LRRTM3: variants seen among roughly 807,000 people sequenced by gnomAD.
LRRTM3 encodes the protein leucine rich repeat transmembrane neuronal 3.
Under a neutral mutation model 44.7 loss-of-function variants are expected in LRRTM3, and 24 were observed. That is an observed-to-expected ratio of 0.54 (90% confidence interval 0.39 to 0.76). The LOEUF (loss-of-function observed/expected upper bound fraction) is 0.76. LRRTM3 is among the 30% of genes least tolerant of loss of function. The probability of loss-of-function intolerance (pLI) is 0.00; values close to 1 mark genes in which losing one functional copy is unlikely to be tolerated. For synonymous variants in LRRTM3, 277 were observed against 278.7 expected, an observed-to-expected ratio of 0.99 and a Z score of 0.06; for missense variants, 587 against 702.2, an observed-to-expected ratio of 0.84 and a Z score of 1.85.
chr10:66,996,578 G>A (rs117978183), intron 2 of LRRTM3, among the ~76,000 whole-genome samples: 1 of 144,256 alleles, frequency 6.9e-6, no homozygotes, highest in Non-Finnish European at 1.5e-5. Context: ...AACCCAGCAG[G>A]TAGAGGTTGC....
chr10:67,097,973 C>A lies in LRRTM3; in HGVS notation c.*177C>A. The A allele has an allele frequency of 1.6e-6, 1 of 611,952 alleles. No individual in the cohort carries two copies. The highest frequency in any genetic ancestry group is 2.8e-5 in the East Asian group (1 of 35,920). 37.9% of individuals were successfully genotyped at this position (611,952 alleles called of 1,614,324 possible). A position where few individuals can be genotyped will look rare whatever the true frequency, so the allele number is the denominator to read the frequency against. On this transcript the variant is annotated 3_prime_UTR_variant, in exon 3 of 3. Transcript: ENST00000361320. ...AAAGAAGACATGAATTGTTTTAAGT[C>A]TACACTTTGTAATTAGCTAAGTTGT... is the stretch of plus-strand genomic sequence containing the variant.
At chr10:67,005,123 C>CT (rs1269802548) in intron 2 of LRRTM3, among the ~76,000 whole-genome samples, 1 of 152,060 alleles carries the variant, frequency 6.6e-6, no homozygotes, top group Non-Finnish European at 1.5e-5. Context: ...GAGAGAAATG[C>CT]TTTTTTACCT....
At chr10:67,089,083 C>A (rs1410063696) in intron 2 of LRRTM3, among the ~76,000 whole-genome samples, 1 of 151,690 alleles carries the variant, frequency 6.6e-6, no homozygotes, top group African/African-American at 2.4e-5. Flanking sequence ...TACTACACAC[C>A]ATTTTATATA....
chr10:66,975,777 C>G (rs144284539), intron 2 of LRRTM3, among the ~76,000 whole-genome samples: 69 of 152,288 alleles, frequency 4.5e-4, no homozygotes, highest in East Asian at 4.1e-3. Flanking sequence ...CTATTTAGCA[C>G]TCCTTTCTGT....
intron 2 of LRRTM3, among the ~76,000 whole-genome samples, chr10:66,994,415 G>T (rs1216435283): frequency 6.6e-6 from 1 of 152,166 alleles, no homozygotes; most frequent in East Asian, 1.9e-4. Context: ...ATGAAGCTCA[G>T]TGTGAGTCTC....
intron 2 of LRRTM3, among the ~76,000 whole-genome samples, chr10:67,000,086 C>A (rs1355779916): frequency 6.6e-6 from 1 of 152,166 alleles, no homozygotes; most frequent in African/African-American, 2.4e-5. Context: ...ATAGCATTTT[C>A]TCCATATTTC....
intron 2 of LRRTM3, among the ~76,000 whole-genome samples, chr10:66,969,706 C>T (rs1849617520): frequency 6.6e-6 from 1 of 152,116 alleles, no homozygotes; most frequent in African/African-American, 2.4e-5. Context: ...AGCTGATATA[C>T]TTCAAACTTG....
At chr10:66,970,408 C>A (rs1383383074) in intron 2 of LRRTM3, among the ~76,000 whole-genome samples, 1 of 150,800 alleles carries the variant, frequency 6.6e-6, no homozygotes, top group Non-Finnish European at 1.5e-5. Context: ...AACAATTATT[C>A]TTTCCTTCCC....
chr10:67,037,972 G>A (rs1414414867), intron 2 of LRRTM3, among the ~76,000 whole-genome samples: 2 of 152,014 alleles, frequency 1.3e-5, no homozygotes, highest in African/African-American at 4.8e-5. Context: ...TCATTAAGGG[G>A]ATTAACATGA....
intron 2 of LRRTM3, among the ~76,000 whole-genome samples, chr10:66,942,878 A>G (rs78282929): frequency 6.6e-6 from 1 of 152,240 alleles, no homozygotes; most frequent in Non-Finnish European, 1.5e-5. Flanking sequence ...CTGTGAAATG[A>G]TGGCTAAATT....
intron 2 of LRRTM3, among the ~76,000 whole-genome samples, chr10:67,063,124 A>C (rs571192620): frequency 5.1e-4 from 78 of 152,304 alleles, no homozygotes; most frequent in African/African-American, 1.8e-3. Context: ...ATAAGAACTC[A>C]TTATCAGACT....
At chr10:66,929,077 G>A (rs141795067) in intron 2 of LRRTM3, among the ~76,000 whole-genome samples, 1 of 152,208 alleles carries the variant, frequency 6.6e-6, no homozygotes, top group Admixed American at 6.5e-5. Context: ...CAGGGACAAA[G>A]TGATGAAGGG....
chr10:66,928,379 C>G lies in LRRTM3; in HGVS notation c.1463C>G (p.Thr488Arg). Residue 488 changes from threonine to arginine, a missense_variant, in exon 2 of 3, where the codon ACG (threonine) becomes AGG (arginine). Physicochemically the swap from Thr to Arg is moderately conservative, Grantham distance 71. Coordinates refer to ENST00000361320, the MANE Select transcript of LRRTM3 (RefSeq NM_178011.5). Reference sequence around the variant, plus strand: ...TATGTAGATTATAAACCCACCAACACGGAGACCAGCGAGATGCTGCTGAAT... The same window carrying G: ...TATGTAGATTATAAACCCACCAACAGGGAGACCAGCGAGATGCTGCTGAAT... The part of the protein sequence containing the change: ...EFYVDYKPTN[T>R]ETSEMLLNGT... 6.2e-7 allele frequency: 1 copy of G among 1,614,168 alleles called. No homozygotes were observed. Among genetic ancestry groups the G allele is most frequent in the African/African-American group, 1.3e-5 (1 of 75,040 alleles).
At chr10:67,014,449 G>A (rs1359111709) in intron 2 of LRRTM3, among the ~76,000 whole-genome samples, 1 of 152,056 alleles carries the variant, frequency 6.6e-6, no homozygotes, top group African/African-American at 2.4e-5. Flanking sequence ...AATCCCAGGT[G>A]GTGCCTGTTT....
intron 2 of LRRTM3, among the ~76,000 whole-genome samples, chr10:67,008,577 C>T (rs1925620): frequency 0.017 from 2,581 of 152,154 alleles, 81 homozygotes; most frequent in African/African-American, 0.059. Flanking sequence ...TCGGGGCTGG[C>T]CTGGCTCATC....
chr10:67,068,950 C>A (rs1291866380), intron 2 of LRRTM3, among the ~76,000 whole-genome samples: 1 of 152,078 alleles, frequency 6.6e-6, no homozygotes, highest in Non-Finnish European at 1.5e-5. Context: ...ATCCCAGCTA[C>A]TCAGGAGGCT....
intron 2 of LRRTM3, among the ~76,000 whole-genome samples, chr10:66,980,946 G>A (rs1291472140): frequency 6.6e-6 from 1 of 151,852 alleles, no homozygotes; most frequent in Admixed American, 6.6e-5. Context: ...CACTCTTGTT[G>A]CCCAGGCTGG....
intron 2 of LRRTM3, among the ~76,000 whole-genome samples, chr10:66,977,969 T>C (rs1850146054): frequency 6.6e-6 from 1 of 152,174 alleles, no homozygotes; most frequent in African/African-American, 2.4e-5. Flanking sequence ...GTCAAACTTT[T>C]ATTCCTAAGT....
rs1589594525 is a variant in LRRTM3 at position 67,008,648 on chromosome 10, T to C, written c.1536+80196T>C. 1.3e-5 allele frequency among the ~76,000 whole-genome samples: 2 copies of C among 152,306 alleles called. 1 individual carries two copies. Among genetic ancestry groups the C allele is most frequent in the Non-Finnish European group, 2.9e-5 (2 of 68,018 alleles). ...GGTCTAGGATAGCCCCATTCATTTG[T>C]CTGGCTCTTACAAGCTTGTTGGATT... On this transcript the variant is annotated intron_variant, in intron 2 of 2. Transcript: ENST00000361320.
Sources: allele counts gnomAD v4.1 joint callset (sites outside exome capture counted in the v4.1 genomes callset), GRCh38; gene constraint gnomAD v4.1.1; transcripts MANE v1.5; gene names NCBI Gene and HGNC (gene_info 2026-07-23, HGNC 2026-07-21).